Variants in TAFA1 observed in about 807,000 individuals in gnomAD.
TAFA1 encodes chemokine-like protein TAFA-1.
Under a neutral mutation model 18.5 loss-of-function variants are expected in TAFA1, and 4 were observed. The ratio of observed to expected loss-of-function variants is 0.22; its 90% CI spans 0.11 to 0.49. The LOEUF (loss-of-function observed/expected upper bound fraction) is 0.49, where lower values mean the gene tolerates loss of function less well. Among genes scored for constraint, TAFA1 ranks in the 20% least tolerant of loss-of-function variants. The pLI is 0.98. For missense variants in TAFA1, 147 were observed against 169.0 expected, an observed-to-expected ratio of 0.87 and a Z score of 0.72; for synonymous variants, 56 against 55.2, an observed-to-expected ratio of 1.01 and a Z score of -0.06.
chr3:68,335,890 A>C (rs1468003570), intron 2 of TAFA1, among the ~76,000 whole-genome samples: 1 of 152,166 alleles, frequency 6.6e-6, no homozygotes, highest in African/African-American at 2.4e-5. Context: ...TTGCTTTGTC[A>C]AGTTGTCATT....
rs780557699 is a variant in TAFA1, at chr3:68,004,292, T to G, written c.-414T>G. ...ACCGTATAGCAGCCCTGCTCCTACA[T>G]TTTGCTGCCTTACTCTGCCCCGAAT... On this transcript the variant is annotated 5_prime_UTR_variant, in exon 1 of 5. Transcript: ENST00000478136. 3.3e-5 allele frequency: 5 copies of G among 152,168 alleles called. No homozygotes were observed. The highest frequency in any genetic ancestry group is 5.9e-5 in the Non-Finnish European group (4 of 68,054). The allele number at this position is 152,168 out of a possible 1,614,324, so 9.4% of individuals were successfully genotyped here.
chr3:68,479,414 GCT>G (rs1295588140), intron 3 of TAFA1, among the ~76,000 whole-genome samples: 1 of 151,664 alleles, frequency 6.6e-6, no homozygotes, highest in Admixed American at 6.6e-5. Context: ...AGATCTTACA[GCT>G]CTTTCAATGT....
At chr3:68,173,884 G>A (rs927189771) in intron 2 of TAFA1, among the ~76,000 whole-genome samples, 1 of 113,392 alleles carries the variant, frequency 8.8e-6, no homozygotes, top group African/African-American at 3.3e-5. Context: ...TCAAATAACA[G>A]GGTTATAGGA....
intron 2 of TAFA1, among the ~76,000 whole-genome samples, chr3:68,196,966 G>C (rs2066418007): frequency 6.6e-6 from 1 of 151,784 alleles, no homozygotes; most frequent in Non-Finnish European, 1.5e-5. Flanking sequence ...ACAGAAGAAA[G>C]AGGTATTTTG....
chr3:68,123,685 T>A (rs923569443), intron 2 of TAFA1, among the ~76,000 whole-genome samples: 5 of 152,126 alleles, frequency 3.3e-5, no homozygotes, highest in African/African-American at 1.2e-4. Context: ...AGTAACCAAC[T>A]GGTTTAACAT....
At chr3:68,416,276 A>G (rs955874186) in intron 2 of TAFA1, among the ~76,000 whole-genome samples, 1 of 152,114 alleles carries the variant, frequency 6.6e-6, no homozygotes, top group Non-Finnish European at 1.5e-5. Flanking sequence ...ATGTTTTCTA[A>G]GTGTCCATAT....
chr3:68,145,079 G>T lies in TAFA1; in HGVS notation c.118+138335G>T, dbSNP rs1397796659. On this transcript the variant is annotated intron_variant, in intron 2 of 4. Transcript: ENST00000478136. ...GGATCAGTGCGAGAACCAGGAGCTCGAGGCCCCTGGAGGAATTGCTACACC... is the reference window on the plus strand; with the variant it reads ...GGATCAGTGCGAGAACCAGGAGCTCTAGGCCCCTGGAGGAATTGCTACACC... 4 of 1,480,648 alleles carry T rather than the reference G, an allele frequency of 2.7e-6. No individual in the cohort carries two copies. In the East Asian group the frequency reaches 9.1e-5, roughly 34 times the overall value. The allele number at this position is 1,480,648 out of a possible 1,614,324, so 91.7% of individuals were successfully genotyped here. A position where few individuals can be genotyped will look rare whatever the true frequency, so the allele number is the denominator to read the frequency against.
At chr3:68,115,771 T>A (rs1405160293) in intron 2 of TAFA1, among the ~76,000 whole-genome samples, 1 of 152,174 alleles carries the variant, frequency 6.6e-6, no homozygotes, top group Non-Finnish European at 1.5e-5. Context: ...CCCATCCTAT[T>A]TTTTTGTGTG....
At chr3:68,442,407 A>T (rs534536627) in intron 3 of TAFA1, among the ~76,000 whole-genome samples, 1 of 152,096 alleles carries the variant, frequency 6.6e-6, no homozygotes, top group Non-Finnish European at 1.5e-5. Flanking sequence ...CAACTCATTT[A>T]TCCATGAGGG....
chr3:68,217,775 A>G (rs1458555289), intron 2 of TAFA1, among the ~76,000 whole-genome samples: 1 of 151,786 alleles, frequency 6.6e-6, no homozygotes, highest in Admixed American at 6.6e-5. Flanking sequence ...TGTTTTTCAA[A>G]CCCTTTATAT....
chr3:68,418,711 C>A (rs1369717551), intron 3 of TAFA1, among the ~76,000 whole-genome samples: 3 of 152,126 alleles, frequency 2.0e-5, no homozygotes, highest in African/African-American at 4.8e-5. Flanking sequence ...ATTCCAGATA[C>A]CACTCTGGGT....
intron 2 of TAFA1, among the ~76,000 whole-genome samples, chr3:68,155,994 T>A (rs1400032898): frequency 6.7e-6 from 1 of 148,754 alleles, no homozygotes; most frequent in Middle Eastern, 3.4e-3. Flanking sequence ...AGGTTACTAC[T>A]TTTTTTCCCC....
In TAFA1 at chr3:68,509,582, C is replaced by A. The variant is rs143482618; in HGVS notation, c.260-29174C>A. Among the ~76,000 whole-genome samples, 14 of 152,124 alleles carry A rather than the reference C, an allele frequency of 9.2e-5. No individual in the cohort carries two copies. In the East Asian group the frequency reaches 2.7e-3, roughly 29 times the overall value. Reference sequence around the variant, plus strand: ...GCTTATGGGCAAGGACTAGTAGAAGCCATGAAAAAAATGGAAGACTTTTTG... The same window carrying A: ...GCTTATGGGCAAGGACTAGTAGAAGACATGAAAAAAATGGAAGACTTTTTG... On this transcript the variant is annotated intron_variant, in intron 3 of 4. Transcript: ENST00000478136.
chr3:68,397,123 G>A (rs1252888134), intron 2 of TAFA1, among the ~76,000 whole-genome samples: 2 of 152,060 alleles, frequency 1.3e-5, no homozygotes. Flanking sequence ...TTCTCGTGAG[G>A]ATCTTCCGTT....
chr3:67,997,066 GTT>G, the TAFA1 span, among the ~76,000 whole-genome samples: 24 of 152,158 alleles, frequency 1.6e-4, no homozygotes, highest in Non-Finnish European at 2.8e-4. Context: ...AGCAAGCTGA[GTT>G]AGGAAAAAGG....
chr3:68,344,635 C>T (rs1371476666), intron 2 of TAFA1, among the ~76,000 whole-genome samples: 2 of 152,062 alleles, frequency 1.3e-5, no homozygotes, highest in Non-Finnish European at 2.9e-5. Flanking sequence ...GACTTTTCCC[C>T]CTAGCTTTGT....
chr3:68,119,869 A>G (rs75417192), intron 2 of TAFA1, among the ~76,000 whole-genome samples: 1,782 of 152,228 alleles, frequency 0.012, 41 homozygotes, highest in African/African-American at 0.041. Context: ...TCCCATACAT[A>G]CCCTAGTGTC....
intron 3 of TAFA1, among the ~76,000 whole-genome samples, chr3:68,494,123 A>G (rs2072501210): frequency 6.6e-6 from 1 of 152,122 alleles, no homozygotes; most frequent in Non-Finnish European, 1.5e-5. Context: ...TTTTTTTGAG[A>G]CAGAGTCTCG....
intron 2 of TAFA1, among the ~76,000 whole-genome samples, chr3:68,042,271 A>C (rs1705181099): frequency 6.6e-6 from 1 of 152,114 alleles, no homozygotes. Flanking sequence ...GAGACATAAT[A>C]ATTCTTTACA....
Sources: allele counts gnomAD v4.1 joint callset (sites outside exome capture counted in the v4.1 genomes callset), GRCh38; gene constraint gnomAD v4.1.1; transcripts MANE v1.5; gene names NCBI Gene and HGNC (gene_info 2026-07-23, HGNC 2026-07-21).